ACACB: variants seen among roughly 807,000 people sequenced by gnomAD.
The protein encoded by ACACB is acetyl-CoA carboxylase beta.
A neutral mutation model predicts 278.8 loss-of-function variants in ACACB; 209 were observed. The ratio of observed to expected loss-of-function variants is 0.75; its 90% CI spans 0.67 to 0.84. The LOEUF is 0.84. Among genes scored for constraint, ACACB ranks in the 40% least tolerant of loss-of-function variants. The pLI is 0.00. For synonymous variants in ACACB, 1,174 were observed against 1,285.6 expected (o/e 0.91, Z 1.86); for missense variants, 2,850 against 3,269.0 (o/e 0.87, Z 3.13).
Position 109,222,630 on chromosome 12 carries a change from CAG to C in ACACB, c.3678+11_3678+12del, listed in dbSNP as rs752292408. 3 of 1,610,726 alleles carry C rather than the reference CAG, an allele frequency of 1.9e-6. No individual in the cohort carries two copies. The highest frequency in any genetic ancestry group is 3.3e-5 in the Admixed American group (2 of 59,992). On this transcript the variant is annotated intron_variant, in intron 25 of 52. Coordinates refer to ENST00000338432, the MANE Select transcript of ACACB (RefSeq NM_001093.4). ...CCTCAGAGCCCGGCAGGTAGGGTCT[CAG>C]GGTGCGGTCCCCACGATGTGCGTTT...
At position 109,260,639 on chromosome 12, in the gene ACACB, A is replaced by T; in HGVS notation, c.6656A>T (p.Tyr2219Phe). Residue 2219 changes from tyrosine (Y) to phenylalanine (F), a missense_variant, in exon 48 of 53, where the codon TAT (tyrosine) becomes TTT (phenylalanine). This residue lies in a region of ACACB where 579 missense variants were observed against 684.6 expected (regional missense o/e 0.85). Transcript: ENST00000338432. The part of the protein sequence containing the change: ...ATINPLCIEM[Y>F]ADKESRGGVL... Reference sequence around the variant, plus strand: ...ATCAACCCGCTGTGCATAGAAATGTATGCAGACAAAGAGAGCAGGTGGGTG... The same window carrying T: ...ATCAACCCGCTGTGCATAGAAATGTTTGCAGACAAAGAGAGCAGGTGGGTG... 1.3e-6 allele frequency: 2 copies of T among 1,588,010 alleles called. No homozygotes were observed. The highest frequency in any genetic ancestry group is 2.3e-5 in the South Asian group (2 of 87,152).
At chr12:109,235,528 A>C (rs1000192357) in intron 32 of ACACB, 78 bp from the exon 33 acceptor site, 1 of 1,460,506 alleles carries the variant, frequency 6.8e-7, no homozygotes, top group South Asian at 1.2e-5. Context: ...AATCGTTTAC[A>C]ATCACTAAAT....
In ACACB at chr12:109,209,363, C is replaced by A; in HGVS notation, c.3249+10C>A. On this transcript the variant is annotated intron_variant, in intron 21 of 52. Coordinates refer to ENST00000338432, the MANE Select transcript of ACACB (RefSeq NM_001093.4). ...GTTCCCCAGCCAGCAGGTGCGTGCT[C>A]CCCTGCCCAGCCCCACCCCACCAGG... 1 of 1,602,460 alleles carries A rather than the reference C, an allele frequency of 6.2e-7. No individual in the cohort carries two copies.
Position 109,253,114 on chromosome 12 carries a change from G to C in ACACB, c.6001G>C (p.Glu2001Gln). Residue 2001 changes from glutamate (E) to glutamine (Q), a missense_variant, in exon 43 of 53, where the codon GAG (glutamate) becomes CAG (glutamine). Glu to Gln is a conservative substitution (Grantham distance 29). Transcript: ENST00000338432. ...VSHITVPDDF[E>Q]GVYTILEWLS... ...CCACATCACCGTGCCAGATGACTTTGAGGGGGTTTATACCATCCTGGAGTG... is the reference window on the plus strand; with the variant it reads ...CCACATCACCGTGCCAGATGACTTTCAGGGGGTTTATACCATCCTGGAGTG... 1 of 1,612,992 alleles carries C rather than the reference G, an allele frequency of 6.2e-7. No homozygotes were observed. Among genetic ancestry groups the C allele is most frequent in the South Asian group, 1.1e-5 (1 of 90,764 alleles).
intron 43 of ACACB, 99 bp downstream of exon 43, chr12:109,253,257 G>A: frequency 1.5e-6 from 2 of 1,302,650 alleles, no homozygotes; most frequent in Non-Finnish European, 1.0e-6. Context: ...GGGAGGCTGA[G>A]GAGCAGGAAG....
chr12:109,191,874 G>A lies in ACACB; in HGVS notation c.2323G>A (p.Val775Met). The part of the protein sequence containing the change: ...QAEKPDIMLG[V>M]VCGALNVADA... ...GGAGAAACCGGATATCATGCTTGGGGTGGTATGCGGGGCCTTGAACGTGGC... is the reference window on the plus strand; with the variant it reads ...GGAGAAACCGGATATCATGCTTGGGATGGTATGCGGGGCCTTGAACGTGGC... The change falls in exon 15 of 53, where the codon GTG (valine) becomes ATG (methionine). Residue 775 changes from valine to methionine, a missense_variant. Physicochemically the swap from Val to Met is conservative, Grantham distance 21. Around this residue, in one of 3 missense-constraint regions of ACACB, gnomAD observed 2,265 missense variants for 2,561.3 expected, o/e 0.88. Coordinates refer to ENST00000338432, the MANE Select transcript of ACACB (RefSeq NM_001093.4). 2 of 1,614,224 alleles carry A rather than the reference G, an allele frequency of 1.2e-6. No homozygotes were observed. Among genetic ancestry groups the A allele is most frequent in the African/African-American group, 1.3e-5 (1 of 75,056 alleles).
chr12:109,185,897 A>T (rs1471443233), intron 12 of ACACB, among the ~76,000 whole-genome samples, 157 bp downstream of exon 12: 1 of 151,986 alleles, frequency 6.6e-6, no homozygotes. Flanking sequence ...CCCATGGTTT[A>T]TTTGATTATT....
Position 109,259,021 on chromosome 12 carries a change from ACCG to A in ACACB, c.6412_6414del (p.Ala2138del), listed in dbSNP as rs770921959. 2.5e-6 allele frequency: 4 copies of A among 1,613,920 alleles called. No homozygotes were observed. The highest frequency in any genetic ancestry group is 3.4e-6 in the Non-Finnish European group (4 of 1,179,962). ...GTGGTTCCCAGACTCAGCCTACAAA[ACCG>A]CCCAGGCCGTCAAGGACTTCAACCG... On this transcript the variant is annotated inframe_deletion, in exon 47 of 53. Transcript: ENST00000338432.
At chr12:109,112,269 A>ATATG (rs1160624609), upstream of ACACB, among the ~76,000 whole-genome samples, 4 of 149,446 alleles carry the variant, frequency 2.7e-5, no homozygotes, top group Non-Finnish European at 5.9e-5. Flanking sequence ...TATTCAATAT[A>ATATG]TATGTATGTA....
At chr12:109,194,334 T>G (rs988560491) in intron 16 of ACACB, among the ~76,000 whole-genome samples, 2 of 152,174 alleles carry the variant, frequency 1.3e-5, no homozygotes, top group Non-Finnish European at 1.5e-5. Context: ...TAGCCGAGAT[T>G]ATAGGCATAT....
In ACACB at chr12:109,247,648, A is replaced by G. The variant is rs1254607487; in HGVS notation, c.5614A>G (p.Ile1872Val). The G allele has an allele frequency of 1.9e-6, 3 of 1,614,056 alleles. No homozygotes were observed. Among genetic ancestry groups the G allele is most frequent in the South Asian group, 2.2e-5 (2 of 91,082 alleles). Residue 1872 changes from isoleucine (I) to valine (V), a missense_variant, in exon 40 of 53, where the codon ATC becomes GTC. By Grantham distance (29) the Ile-to-Val change is conservative (BLOSUM62 3). Around this residue, in one of 3 missense-constraint regions of ACACB, gnomAD observed 2,265 missense variants for 2,561.3 expected, o/e 0.88. Transcript: ENST00000338432. ...LYLTPQDYTR[I>V]SSLNSVHCKH... ...CCTGACTCCCCAAGACTACACCAGA[A>G]TCAGCTCCCTGAACTCCGTCCACTG...
chr12:109,228,303 G>A (rs979060923), intron 28 of ACACB, among the ~76,000 whole-genome samples: 24 of 149,026 alleles, frequency 1.6e-4, no homozygotes, highest in African/African-American at 5.5e-4. Flanking sequence ...ACCACTACAC[G>A]CCAGCCTGGG....
intron 16 of ACACB, among the ~76,000 whole-genome samples, chr12:109,195,562 A>G (rs1350371851): frequency 6.6e-6 from 1 of 152,232 alleles, no homozygotes; most frequent in Non-Finnish European, 1.5e-5. Context: ...AAACAAATCC[A>G]TCATGTGCTA....
At chr12:109,150,539 C>G (rs2043344848) in intron 2 of ACACB, among the ~76,000 whole-genome samples, 1 of 152,206 alleles carries the variant, frequency 6.6e-6, no homozygotes, top group Admixed American at 6.5e-5. Context: ...GAGGTAAGAA[C>G]AGTTTAGCAA....
Position 109,259,181 on chromosome 12 carries a change from A to ATGTCCTAATGTCCTAGTCTG in ACACB, c.6496+75_6496+76insTCCTAATGTCCTAGTCTGTG, listed in dbSNP as rs540857139. ...CCAGGACAGCACCCTCTGGGTGGTG[A>ATGTCCTAATGTCCTAGTCTG]TGCTAATGTCCTAGTCTGTGCCCAT... On this transcript the variant is annotated intron_variant, in intron 47 of 52. Transcript: ENST00000338432. 442 of 1,538,084 alleles carry ATGTCCTAATGTCCTAGTCTG rather than the reference A, an allele frequency of 2.9e-4. 4 individuals are homozygous for ATGTCCTAATGTCCTAGTCTG. The African/African-American group carries it at 4.4e-3, about 15-fold the overall frequency.
At position 109,266,236 on chromosome 12, in the gene ACACB, C is replaced by T. The variant is rs144442065; in HGVS notation, c.7251C>T (p.Gly2417=). The part of the protein sequence containing the change: ...KHDSVLKTIR[G]LVEENPEVAV... Reference sequence around the variant, plus strand: ...AGCCCTCCTCTCACCTCCCCCACAGCCTGGTTGAAGAAAACCCCGAGGTGG... The same window carrying T: ...AGCCCTCCTCTCACCTCCCCCACAGTCTGGTTGAAGAAAACCCCGAGGTGG... Residue 2417 remains glycine (G), a splice_region_variant and synonymous_variant, in exon 53 of 53, where the codon GGC becomes GGT. Transcript: ENST00000338432. 252 of 1,612,562 alleles carry T rather than the reference C, an allele frequency of 1.6e-4. 1 individual carries two copies. In the African/African-American group the frequency reaches 3.2e-3, roughly 20 times the overall value.
At position 109,210,221 on chromosome 12, in the gene ACACB, A is replaced by ATATGTATATATGTATATATACACACG. The variant is rs1491120224; in HGVS notation, c.3249+869_3249+870insATGTATATATGTATATATACACACGT. Among the ~76,000 whole-genome samples, 14 of 11,952 alleles carry ATATGTATATATGTATATATACACACG rather than the reference A, an allele frequency of 1.2e-3. 4 individuals carry two copies. In the South Asian group the frequency reaches 0.014, roughly 12 times the overall value. 7.8% of individuals were successfully genotyped at this position (11,952 alleles called of 152,430 possible). ...TATGTATATATGTATATATACACACATGTGTGTATATGTATATATGTATAT... is the reference window on the plus strand; with the variant it reads ...TATGTATATATGTATATATACACACATATGTATATATGTATATATACACACGTGTGTGTATATGTATATATGTATAT... On this transcript the variant is annotated intron_variant, in intron 21 of 52. Transcript: ENST00000338432.
chr12:109,265,914 A>G (rs541789486), intron 52 of ACACB, among the ~76,000 whole-genome samples: 4 of 152,248 alleles, frequency 2.6e-5, no homozygotes, highest in South Asian at 4.1e-4. Context: ...CCCTCCCCCA[A>G]TTGCCATGGG....
intron 48 of ACACB, 69 bp from the exon 49 acceptor site, chr12:109,262,288 C>CA (rs2047398904): frequency 2.3e-5 from 29 of 1,261,986 alleles, no homozygotes; most frequent in Non-Finnish European, 3.2e-5. Flanking sequence ...CAGCTCCCCC[C>CA]ACATCCATTA....
Sources: gnomAD v4.1 joint callset for allele counts (sites outside exome capture counted in the v4.1 genomes callset) on GRCh38, gnomAD v4.1.1 for gene constraint, gnomAD v4.1.1 regional missense constraint, MANE v1.5 for transcripts, NCBI Gene and HGNC (gene_info 2026-07-23, HGNC 2026-07-21) for gene names.